Variants in CCDC73 observed in about 807,000 individuals in gnomAD.
The protein encoded by CCDC73 is coiled-coil domain containing 73, also known as coiled-coil domain-containing protein 73.
Under a neutral mutation model 116.5 loss-of-function variants are expected in CCDC73, and 95 were observed. The observed-to-expected ratio is 0.82, with a 90% CI of 0.69 to 0.97. CCDC73 has a LOEUF of 0.97. CCDC73 is among the 50% of genes least tolerant of loss of function. CCDC73 has a pLI of 0.00. For missense variants in CCDC73, 1,066 were observed against 1,206.8 expected, an observed-to-expected ratio of 0.88 and a Z score of 1.73; for synonymous variants, 398 against 401.3, an observed-to-expected ratio of 0.99 and a Z score of 0.10.
At position 32,686,129 on chromosome 11, in the gene CCDC73, GGAT is replaced by G. The variant is rs199714184; in HGVS notation, c.391-2558_391-2556del. Among the ~76,000 whole-genome samples the G allele has an allele frequency of 7.2e-3, 1,059 of 147,274 alleles. 17 individuals carry two copies. Among genetic ancestry groups the G allele is most frequent in the African/African-American group, 0.026 (1,022 of 40,040 alleles). ...CTACTGCAATAATCCAGATGAAAGA[GGAT>G]GATGAAGGAGGACTAGGGTGTTAGT... On this transcript the variant is annotated intron_variant, in intron 6 of 17. Transcript: ENST00000335185.
upstream of CCDC73, among the ~76,000 whole-genome samples, chr11:32,797,064 C>A (rs1349904817): frequency 6.8e-6 from 1 of 146,896 alleles, no homozygotes; most frequent in African/African-American, 2.5e-5. Context: ...AAGGACTTAA[C>A]CATTATTTTC....
intron 13 of CCDC73, among the ~76,000 whole-genome samples, chr11:32,636,745 C>T (rs1275507545): frequency 6.6e-6 from 1 of 151,540 alleles, no homozygotes; most frequent in Non-Finnish European, 1.5e-5. Context: ...ACTCATGTTA[C>T]TTTCTGTTCA....
At chr11:32,603,142 C>T in intron 17 of CCDC73, 122 bp from the exon 18 acceptor site, 1 of 716,402 alleles carries the variant, frequency 1.4e-6, no homozygotes, top group Non-Finnish European at 2.3e-6. Context: ...ATTTCCACTA[C>T]CTTAGTAGTT....
intron 16 of CCDC73, among the ~76,000 whole-genome samples, chr11:32,612,483 G>C (rs1855430678): frequency 6.6e-6 from 1 of 151,564 alleles, no homozygotes; most frequent in Non-Finnish European, 1.5e-5. Flanking sequence ...GGGTGTGGTG[G>C]CTCCCAGCAA....
intron 14 of CCDC73, among the ~76,000 whole-genome samples, chr11:32,631,137 G>C (rs1431012267): frequency 6.6e-6 from 1 of 152,204 alleles, no homozygotes; most frequent in African/African-American, 2.4e-5. Flanking sequence ...TATGATTAAA[G>C]ATTTCAACAT....
At chr11:32,668,855 T>C (rs1341797772) in intron 9 of CCDC73, among the ~76,000 whole-genome samples, 1 of 152,212 alleles carries the variant, frequency 6.6e-6, no homozygotes, top group African/African-American at 2.4e-5. Context: ...GTTAACAGCA[T>C]ATTTTATGGC....
At position 32,763,845 on chromosome 11, in the gene CCDC73, C is replaced by T. The variant is rs542676989; in HGVS notation, c.-15-3587G>A. ...TAAAGGAGGAAGTTCAAACCCATCA[C>T]AAAGAAGCTAAAAACCTTGAAAAAG... On this transcript the variant is annotated intron_variant, in intron 1 of 17. Transcript: ENST00000335185. Among the ~76,000 whole-genome samples, 206 of 152,240 alleles carry T rather than the reference C, an allele frequency of 1.4e-3. 2 individuals are homozygous for T. In the South Asian group the frequency reaches 0.016, roughly 12 times the overall value.
the CCDC73 span, among the ~76,000 whole-genome samples, chr11:32,801,706 G>A: frequency 6.7e-6 from 1 of 149,586 alleles, no homozygotes; most frequent in East Asian, 1.9e-4. Flanking sequence ...AGAAAATGGA[G>A]TTAAGTAGGC....
At chr11:32,803,297 G>A in the CCDC73 span, among the ~76,000 whole-genome samples, 2 of 151,674 alleles carry the variant, frequency 1.3e-5, no homozygotes, top group African/African-American at 4.9e-5. Flanking sequence ...CACCATGTTG[G>A]CCAGGGTCTT....
At chr11:32,817,619 A>C in the CCDC73 span, among the ~76,000 whole-genome samples, 1 of 152,252 alleles carries the variant, frequency 6.6e-6, no homozygotes, top group East Asian at 1.9e-4. Flanking sequence ...TAGGGTTCCT[A>C]TGACACTATT....
At chr11:32,699,358 C>T (rs1375941241) in intron 5 of CCDC73, 33 bp from the exon 6 acceptor site, 6 of 1,495,204 alleles carry the variant, frequency 4.0e-6, no homozygotes, top group East Asian at 2.5e-5. Context: ...CAATACTTTC[C>T]AATGTAAATA....
intron 7 of CCDC73, among the ~76,000 whole-genome samples, chr11:32,678,675 G>A (rs1341649517): frequency 1.3e-5 from 2 of 152,132 alleles, no homozygotes; most frequent in Middle Eastern, 3.4e-3. Context: ...CACAAGGTCA[G>A]GAGTTCGAGA....
intron 6 of CCDC73, among the ~76,000 whole-genome samples, chr11:32,697,061 A>G (rs963065717): frequency 7.9e-5 from 12 of 151,244 alleles, no homozygotes; most frequent in African/African-American, 2.9e-4. Flanking sequence ...TCTCGAACTC[A>G]TGGGTTTACA....
chr11:32,618,763 C>T (rs1388892653), intron 14 of CCDC73, among the ~76,000 whole-genome samples: 1 of 151,948 alleles, frequency 6.6e-6, no homozygotes, highest in Non-Finnish European at 1.5e-5. Flanking sequence ...TGTTGGCCAG[C>T]CTGGTCTTGA....
chr11:32,733,943 GAC>G (rs2133348500), intron 2 of CCDC73, among the ~76,000 whole-genome samples: 1 of 150,748 alleles, frequency 6.6e-6, no homozygotes, highest in East Asian at 1.9e-4. Context: ...AGTAGATAGA[GAC>G]ACAAAAAAAC....
intron 2 of CCDC73, among the ~76,000 whole-genome samples, chr11:32,741,556 TA>T (rs1850186737): frequency 6.6e-6 from 1 of 152,074 alleles, no homozygotes; most frequent in African/African-American, 2.4e-5. Context: ...CCTTTATTTT[TA>T]GTCTATGTGT....
At chr11:32,699,793 T>C (rs1849792670) in intron 5 of CCDC73, among the ~76,000 whole-genome samples, 1 of 151,834 alleles carries the variant, frequency 6.6e-6, no homozygotes, top group Non-Finnish European at 1.5e-5. Context: ...GACGAGTTAA[T>C]GGGTGCAGCA....
intron 9 of CCDC73, among the ~76,000 whole-genome samples, chr11:32,657,196 G>A (rs1334833958): frequency 6.6e-6 from 1 of 152,170 alleles, no homozygotes; most frequent in Non-Finnish European, 1.5e-5. Flanking sequence ...AGTTCTACAT[G>A]TTACAGCTTT....
intron 2 of CCDC73, among the ~76,000 whole-genome samples, chr11:32,749,910 G>A (rs572097162): frequency 2.3e-4 from 33 of 145,508 alleles, no homozygotes; most frequent in Middle Eastern, 3.6e-3. Context: ...TTGCTCTGTC[G>A]CCCAGGCTGG....
Sources: gnomAD v4.1 joint callset for allele counts (sites outside exome capture counted in the v4.1 genomes callset) on GRCh38, gnomAD v4.1.1 for gene constraint, MANE v1.5 for transcripts, NCBI Gene and HGNC (gene_info 2026-07-23, HGNC 2026-07-21) for gene names.